Variants in LDLRAD3 observed in about 807,000 individuals in gnomAD.
LDLRAD3 encodes low-density lipoprotein receptor class A domain-containing protein 3.
Under a neutral mutation model 29.4 loss-of-function variants are expected in LDLRAD3, and 20 were observed. That is an observed-to-expected ratio of 0.68 (90% CI 0.48 to 0.99). The LOEUF is 0.99. LDLRAD3 is among the 50% of genes least tolerant of loss of function. The pLI is 0.00. For synonymous variants in LDLRAD3, 157 were observed against 192.7 expected (o/e 0.81, Z 1.53); for missense variants, 420 against 454.3 (o/e 0.92, Z 0.69).
Position 36,101,478 on chromosome 11 carries a change from G to A in LDLRAD3, c.454+3017G>A, listed in dbSNP as rs147099343. Among the ~76,000 whole-genome samples the A allele has an allele frequency of 2.3e-4, 35 of 152,270 alleles. 1 individual carries two copies. The East Asian group carries it at 6.6e-3, about 29-fold the overall frequency. ...AAGTTATGTGAGTTCAGATATCCAC[G>A]ATTTATTAAAATAATAACAAGTATT... On this transcript the variant is annotated intron_variant, in intron 4 of 5. Transcript: ENST00000315571.
In LDLRAD3 at chr11:36,227,234, A is replaced by T. The variant is rs771541869; in HGVS notation, c.604A>T (p.Asn202Tyr). The T allele has an allele frequency of 5.6e-6, 9 of 1,614,224 alleles. No individual in the cohort carries two copies. The South Asian group carries it at 9.9e-5, about 18-fold the overall frequency. The change falls in exon 5 of 6, where the codon AAC (asparagine) becomes TAC (tyrosine). Residue 202 changes from asparagine (N) to tyrosine (Y), a missense_variant. Coordinates refer to ENST00000315571, the MANE Select transcript of LDLRAD3 (RefSeq NM_174902.4). ...LVLHHQRKRN[N>Y]LMTLPVHRLQ... ...CTTGCACCACCAGCGGAAGCGGAAC[A>T]ACCTCATGACGCTGCCCGTGCACCG... is the stretch of plus-strand genomic sequence containing the variant.
intron 4 of LDLRAD3, among the ~76,000 whole-genome samples, chr11:36,145,870 G>T (rs1854184452): frequency 6.6e-6 from 1 of 151,852 alleles, no homozygotes; most frequent in Non-Finnish European, 1.5e-5. Flanking sequence ...AAACACTGCG[G>T]AAGGCTGCAG....
chr11:36,014,994 G>A (rs2133191634), intron 1 of LDLRAD3, among the ~76,000 whole-genome samples: 1 of 152,348 alleles, frequency 6.6e-6, no homozygotes, highest in Middle Eastern at 3.4e-3. Flanking sequence ...AGTTTGGAAA[G>A]TGAGTTGGAT....
chr11:36,000,212 AT>A (rs113120811), intron 1 of LDLRAD3, among the ~76,000 whole-genome samples: 7,327 of 150,428 alleles, frequency 0.049, 235 homozygotes, highest in Middle Eastern at 0.092. Context: ...TATAGCATAT[AT>A]TTTTGTATAT....
At chr11:35,948,209 G>C (rs1017788703) in intron 1 of LDLRAD3, among the ~76,000 whole-genome samples, 2 of 152,104 alleles carry the variant, frequency 1.3e-5, no homozygotes, top group Non-Finnish European at 2.9e-5. Flanking sequence ...AAAAAATAAG[G>C]TACTTTCCAC....
At chr11:36,153,857 T>A (rs916635799) in intron 4 of LDLRAD3, among the ~76,000 whole-genome samples, 17 of 152,114 alleles carry the variant, frequency 1.1e-4, no homozygotes, top group African/African-American at 4.1e-4. Context: ...ATAAATCATG[T>A]GCAAGTGTCA....
At chr11:36,074,738 C>A (rs1342661014) in intron 2 of LDLRAD3, among the ~76,000 whole-genome samples, 1 of 152,170 alleles carries the variant, frequency 6.6e-6, no homozygotes, top group Non-Finnish European at 1.5e-5. Flanking sequence ...GTGATCAGAA[C>A]CAGACTGGCT....
At chr11:35,991,412 C>A (rs2133167376) in intron 1 of LDLRAD3, among the ~76,000 whole-genome samples, 1 of 152,298 alleles carries the variant, frequency 6.6e-6, no homozygotes, top group African/African-American at 2.4e-5. Flanking sequence ...CCATATATTA[C>A]ATTCCGTATT....
rs1590670611 is a variant in LDLRAD3, at chr11:35,944,275, G to T, written c.46+131G>T. ...CCGGGCGTGGGTGAGCGCGGAGGGC[G>T]GACCCCGGCGCCGGGCTGGCCCGGA... is the stretch of plus-strand genomic sequence containing the variant. On this transcript the variant is annotated intron_variant, in intron 1 of 5. Transcript: ENST00000315571. This position sits in a 1 kb window ranked among gnomAD's most constrained non-coding sequence, Gnocchi z 4.9. The T allele has an allele frequency of 4.4e-6, 2 of 457,596 alleles. No individual in the cohort carries two copies. Among genetic ancestry groups the T allele is most frequent in the Non-Finnish European group, 5.8e-6 (2 of 346,822 alleles). The allele number at this position is 457,596 out of a possible 1,614,324, so 28.3% of individuals were successfully genotyped here.
At chr11:36,183,316 T>A (rs1251128008) in intron 4 of LDLRAD3, among the ~76,000 whole-genome samples, 1 of 124,522 alleles carries the variant, frequency 8.0e-6, no homozygotes, top group African/African-American at 2.7e-5. Context: ...AACTAGGGTG[T>A]GATTACTTGC....
At chr11:36,073,216 T>A (rs1241115755) in intron 2 of LDLRAD3, among the ~76,000 whole-genome samples, 2 of 152,256 alleles carry the variant, frequency 1.3e-5, no homozygotes, top group African/African-American at 4.8e-5. Flanking sequence ...AAGTAGGCTC[T>A]AAAAAGTGGG....
chr11:36,168,497 TC>T (rs1202181343), intron 4 of LDLRAD3, among the ~76,000 whole-genome samples: 2 of 105,926 alleles, frequency 1.9e-5, no homozygotes, highest in African/African-American at 6.2e-5. Context: ...TTTTCTTTCT[TC>T]TTTTTTTTTT....
chr11:36,209,687 ATG>A (rs1196167757), intron 4 of LDLRAD3, among the ~76,000 whole-genome samples: 3 of 152,166 alleles, frequency 2.0e-5, no homozygotes, highest in Non-Finnish European at 4.4e-5. Context: ...ACTCTTGTGT[ATG>A]TCTAAACTTA....
chr11:36,015,774 T>C (rs184739795), intron 1 of LDLRAD3, among the ~76,000 whole-genome samples: 66 of 152,214 alleles, frequency 4.3e-4, no homozygotes, highest in African/African-American at 1.5e-3. Context: ...AGTTTCCACC[T>C]CATCTTCCAG....
intron 1 of LDLRAD3, among the ~76,000 whole-genome samples, chr11:36,024,395 A>G (rs574447355): frequency 2.6e-5 from 4 of 152,074 alleles, no homozygotes; most frequent in Admixed American, 1.3e-4. Context: ...TCATCCCTCT[A>G]TCCCTCAGCA....
At chr11:36,060,885 A>G (rs894431112) in intron 2 of LDLRAD3, among the ~76,000 whole-genome samples, 3 of 152,192 alleles carry the variant, frequency 2.0e-5, no homozygotes, top group African/African-American at 7.2e-5. Context: ...TAAACTATTT[A>G]TTTATCTCAG....
chr11:36,004,950 T>A (rs1481870688), intron 1 of LDLRAD3, among the ~76,000 whole-genome samples: 1 of 152,182 alleles, frequency 6.6e-6, no homozygotes, highest in Non-Finnish European at 1.5e-5. Context: ...GTCCCAAGGC[T>A]GCAGAGAGCA....
At chr11:36,179,998 AAAAT>A (rs1195042108) in intron 4 of LDLRAD3, among the ~76,000 whole-genome samples, 1 of 152,184 alleles carries the variant, frequency 6.6e-6, no homozygotes. Context: ...CTGTCTCAAA[AAAAT>A]AAATAATCAA....
intron 1 of LDLRAD3, among the ~76,000 whole-genome samples, chr11:36,004,087 C>T (rs539159636): frequency 2.8e-4 from 42 of 152,160 alleles, no homozygotes; most frequent in Non-Finnish European, 5.0e-4. Context: ...CCCGTGACCC[C>T]TCCCAAATAT....
Sources: gnomAD v4.1 joint callset for allele counts (sites outside exome capture counted in the v4.1 genomes callset) on GRCh38, gnomAD v4.1.1 for gene constraint, Gnocchi (gnomAD v3.1) non-coding constraint, MANE v1.5 for transcripts, NCBI Gene and HGNC (gene_info 2026-07-23, HGNC 2026-07-21) for gene names.